POU6F2: variants seen among roughly 807,000 people sequenced by gnomAD.
The protein encoded by POU6F2 is POU class 6 homeobox 2.
A neutral mutation model predicts 71.3 loss-of-function variants in POU6F2; 31 were observed. The observed-to-expected ratio is 0.43, with a 90% CI of 0.33 to 0.59. The LOEUF (loss-of-function observed/expected upper bound fraction) is 0.59. Ranked by LOEUF, POU6F2 falls within the 20% of genes least tolerant of loss-of-function variation. The pLI is 0.04. For synonymous variants in POU6F2, 347 were observed against 355.7 expected, an observed-to-expected ratio of 0.98 and a Z score of 0.27; for missense variants, 783 against 856.8, an observed-to-expected ratio of 0.91 and a Z score of 1.07.
At chr7:39,337,359 A>C (rs190475575) in intron 4 of POU6F2, among the ~76,000 whole-genome samples, 1 of 152,274 alleles carries the variant, frequency 6.6e-6, no homozygotes, top group African/African-American at 2.4e-5. Flanking sequence ...TAAATTTTAC[A>C]TTTAACATTG....
At chr7:39,203,879 A>G (rs541169921) in intron 2 of POU6F2, among the ~76,000 whole-genome samples, 1 of 152,290 alleles carries the variant, frequency 6.6e-6, no homozygotes, top group East Asian at 1.9e-4. Context: ...AAGCCATATT[A>G]GGGGAAATAT....
chr7:39,045,077 G>T (rs370429332), intron 1 of POU6F2, among the ~76,000 whole-genome samples: 1 of 151,928 alleles, frequency 6.6e-6, no homozygotes, highest in Admixed American at 6.6e-5. Context: ...GGGTACACAG[G>T]TATCCATCTC....
intron 4 of POU6F2, among the ~76,000 whole-genome samples, chr7:39,272,366 T>A (rs1032509684): frequency 6.6e-6 from 1 of 152,156 alleles, no homozygotes; most frequent in Non-Finnish European, 1.5e-5. Flanking sequence ...GCCTCCTCCC[T>A]CTGGACCAGG....
chr7:39,132,270 A>G (rs553009222), intron 2 of POU6F2: 16 of 152,268 alleles, frequency 1.1e-4, no homozygotes, highest in Admixed American at 9.8e-4. Flanking sequence ...CTGAATTCAA[A>G]TTTGCTCATA....
intron 1 of POU6F2, among the ~76,000 whole-genome samples, chr7:39,015,293 A>G (rs1369280520): frequency 8.0e-6 from 1 of 125,550 alleles, no homozygotes; most frequent in Non-Finnish European, 1.7e-5. Context: ...ATAGAGATAT[A>G]TCTATAAATA....
chr7:39,045,013 T>C (rs1790263046), intron 1 of POU6F2, among the ~76,000 whole-genome samples: 1 of 151,918 alleles, frequency 6.6e-6, no homozygotes, highest in African/African-American at 2.4e-5. Context: ...CAATGCTTCT[T>C]GTGAAAACAG....
intron 1 of POU6F2, chr7:39,006,873 T>C: frequency 6.2e-7 from 1 of 1,613,342 alleles, no homozygotes; most frequent in Non-Finnish European, 8.5e-7. Flanking sequence ...TTCAGGTATT[T>C]TGTTGATTTT....
chr7:39,259,060 G>A (rs1583479681), intron 4 of POU6F2, among the ~76,000 whole-genome samples: 1 of 152,110 alleles, frequency 6.6e-6, no homozygotes, highest in Admixed American at 6.6e-5. Flanking sequence ...GTTTAATCAT[G>A]ATTGTTATTT....
chr7:39,007,851 T>C (rs1789128328), intron 1 of POU6F2, among the ~76,000 whole-genome samples: 1 of 151,720 alleles, frequency 6.6e-6, no homozygotes, highest in African/African-American at 2.4e-5. Context: ...ACAAAGGACA[T>C]GAACTCATCA....
At chr7:39,274,172 A>G (rs1784391650) in intron 4 of POU6F2, among the ~76,000 whole-genome samples, 1 of 152,194 alleles carries the variant, frequency 6.6e-6, no homozygotes, top group Admixed American at 6.5e-5. Flanking sequence ...TAAAGAAAAA[A>G]AGAGAGAAGA....
chr7:39,293,141 G>C (rs1284156704), intron 4 of POU6F2, among the ~76,000 whole-genome samples: 1 of 152,148 alleles, frequency 6.6e-6, no homozygotes, highest in Non-Finnish European at 1.5e-5. Flanking sequence ...CCAGCTGTGC[G>C]CCTGCCTCTG....
intron 2 of POU6F2, among the ~76,000 whole-genome samples, chr7:39,106,576 C>T (rs1244345786): frequency 6.6e-6 from 1 of 152,122 alleles, no homozygotes; most frequent in Non-Finnish European, 1.5e-5. Context: ...CTCATATGGG[C>T]ATGCTATCAT....
intron 4 of POU6F2, among the ~76,000 whole-genome samples, chr7:39,337,659 A>C (rs1785808781): frequency 6.6e-6 from 1 of 152,068 alleles, no homozygotes; most frequent in African/African-American, 2.4e-5. Context: ...TCTCATTTTC[A>C]TGTTAGTGTG....
At chr7:39,319,563 G>A (rs941553672) in intron 4 of POU6F2, among the ~76,000 whole-genome samples, 31 of 152,214 alleles carry the variant, frequency 2.0e-4, no homozygotes, top group African/African-American at 7.2e-4. Flanking sequence ...GGTGGGCCAT[G>A]CTAGGGTTTT....
At chr7:39,017,630 A>G (rs970830737) in intron 1 of POU6F2, among the ~76,000 whole-genome samples, 14 of 151,978 alleles carry the variant, frequency 9.2e-5, no homozygotes, top group Admixed American at 1.3e-4. Flanking sequence ...TACCTCATCT[A>G]CTACAAGCCC....
At chr7:38,993,928 T>C (rs1339372022) in intron 1 of POU6F2, among the ~76,000 whole-genome samples, 1 of 152,090 alleles carries the variant, frequency 6.6e-6, no homozygotes, top group South Asian at 2.1e-4. Flanking sequence ...CAGCTGTGGG[T>C]AATATTCATT....
chr7:39,009,436 G>A (rs1789194712), intron 1 of POU6F2, among the ~76,000 whole-genome samples: 1 of 152,158 alleles, frequency 6.6e-6, no homozygotes, highest in Admixed American at 6.5e-5. Context: ...AGACAATGGG[G>A]TTTTCTAGAT....
intron 2 of POU6F2, among the ~76,000 whole-genome samples, chr7:39,154,849 A>G (rs953681894): frequency 6.6e-6 from 1 of 152,114 alleles, no homozygotes; most frequent in African/African-American, 2.4e-5. Context: ...ACCCCAGCAA[A>G]ATGGAGAAGG....
intron 1 of POU6F2, among the ~76,000 whole-genome samples, chr7:39,082,004 C>A (rs965985559): frequency 1.3e-5 from 2 of 152,220 alleles, no homozygotes; most frequent in African/African-American, 2.4e-5. Flanking sequence ...TACAATGGGG[C>A]TAATACCTTG....
Sources: gnomAD v4.1 joint callset for allele counts (sites outside exome capture counted in the v4.1 genomes callset) on GRCh38, gnomAD v4.1.1 for gene constraint, MANE v1.5 for transcripts, NCBI Gene and HGNC (gene_info 2026-07-23, HGNC 2026-07-21) for gene names.